Variants in SMOC1 observed in about 807,000 individuals in gnomAD.
SMOC1 encodes SPARC-related modular calcium-binding protein 1.
A neutral mutation model predicts 56.3 loss-of-function variants in SMOC1; 22 were observed. That is an observed-to-expected ratio of 0.39 (90% confidence interval 0.28 to 0.56). The LOEUF is 0.56. Among genes scored for constraint, SMOC1 ranks in the 20% least tolerant of loss-of-function variants. The pLI is 0.61. For missense variants in SMOC1, 509 were observed against 565.4 expected (o/e 0.90, Z 1.01); for synonymous variants, 193 against 215.0 (o/e 0.90, Z 0.89).
rs10150925 is a variant in SMOC1 at position 69,952,282 on chromosome 14, G to A, written c.244G>A (p.Val82Met). ...AKCRDPTLGV[V>M]HRGRCKDAGQ... ...GTGCCGAGACCCGACCCTGGGCGTGGTGCATCGAGGTAGATGCAAAGGTGA... is the reference window on the plus strand; with the variant it reads ...GTGCCGAGACCCGACCCTGGGCGTGATGCATCGAGGTAGATGCAAAGGTGA... Residue 82 changes from valine (V) to methionine (M), a missense_variant, in exon 2 of 12, where the codon GTG becomes ATG. Physicochemically the swap from Val to Met is conservative, Grantham distance 21 (BLOSUM62 1). Transcript: ENST00000361956. The A allele has an allele frequency of 9.6e-4, 1,549 of 1,614,176 alleles. 7 individuals are homozygous for A. In the African/African-American group the frequency reaches 0.016, roughly 17 times the overall value.
intron 11 of SMOC1, among the ~76,000 whole-genome samples, chr14:70,027,558 G>A (rs1488567336): frequency 6.6e-6 from 1 of 151,866 alleles, no homozygotes; most frequent in Non-Finnish European, 1.5e-5. Flanking sequence ...GAGCAGTGTG[G>A]GTATACCATG....
chr14:69,890,428 G>A (rs529477147), intron 1 of SMOC1, among the ~76,000 whole-genome samples: 8 of 152,238 alleles, frequency 5.3e-5, no homozygotes, highest in Non-Finnish European at 1.0e-4. Flanking sequence ...CATGCTGTTG[G>A]TGGTGGTGAT....
intron 7 of SMOC1, among the ~76,000 whole-genome samples, chr14:70,003,060 G>A (rs1180822595): frequency 6.6e-6 from 1 of 152,176 alleles, no homozygotes; most frequent in African/African-American, 2.4e-5. Context: ...CTGACCTAGA[G>A]AATCCTGAGG....
At chr14:69,900,720 C>T (rs1049186506) in intron 1 of SMOC1, among the ~76,000 whole-genome samples, 4 of 152,206 alleles carry the variant, frequency 2.6e-5, no homozygotes, top group Non-Finnish European at 5.9e-5. Flanking sequence ...CTATCCCCAA[C>T]ACCCAAAGGC....
chr14:70,027,951 A>G (rs1225685961), intron 11 of SMOC1, among the ~76,000 whole-genome samples: 1 of 152,094 alleles, frequency 6.6e-6, no homozygotes, highest in Non-Finnish European at 1.5e-5. Context: ...GGGCTCCGGG[A>G]GCAGAGCCTA....
rs755674516 is a variant in SMOC1 at position 70,023,288 on chromosome 14, G to A, written c.1132G>A (p.Asp378Asn). ...FSQLDSNSSN[D>N]INKREMKPFK... The stretch of plus-strand genomic sequence containing the variant: ...CCAGCTGGACAGCAATAGCAGCAAC[G>A]ACATTAACAAGCGGGAGATGAAGCC... Residue 378 changes from aspartate (D) to asparagine (N), a missense_variant, in exon 11 of 12, where the codon GAC becomes AAC. Coordinates refer to ENST00000361956, the MANE Select transcript of SMOC1 (RefSeq NM_001034852.3). 75 of 1,614,052 alleles carry A rather than the reference G, an allele frequency of 4.6e-5. No homozygotes were observed. Among genetic ancestry groups the A allele is most frequent in the Non-Finnish European group, 6.2e-5 (73 of 1,180,034 alleles).
chr14:70,022,424 T>C (rs1594860465), intron 10 of SMOC1, among the ~76,000 whole-genome samples: 1 of 152,208 alleles, frequency 6.6e-6, no homozygotes, highest in Non-Finnish European at 1.5e-5. Flanking sequence ...TAGTCCAGCA[T>C]TTCTCAGCAG....
chr14:70,007,974 C>T (rs1315023929), intron 7 of SMOC1, among the ~76,000 whole-genome samples: 1 of 151,976 alleles, frequency 6.6e-6, no homozygotes, highest in Non-Finnish European at 1.5e-5. Context: ...CTTAGAGGCA[C>T]CTGGACTTGC....
Position 69,879,767 on chromosome 14 carries a change from C to A in SMOC1, c.89C>A (p.Thr30Lys). The A allele has an allele frequency of 6.3e-7, 1 of 1,590,382 alleles. No individual in the cohort carries two copies. The highest frequency in any genetic ancestry group is 8.5e-7 in the Non-Finnish European group (1 of 1,175,208). Reference protein sequence around the residue: ...QLSPARGHRTTGPRFLISDRD... With the variant: ...QLSPARGHRTKGPRFLISDRD... ...TCCCCTGCTCGCGGCCACCGCACCA[C>A]AGGCCCCAGGGTAAGTGCGCCCCCA... Residue 30 changes from threonine to lysine, a missense_variant, in exon 1 of 12, where the codon ACA becomes AAA. Thr to Lys is a moderately conservative substitution (Grantham distance 78). Around this residue, in one of 3 missense-constraint regions of SMOC1, gnomAD observed 315 missense variants for 333.1 expected, o/e 0.95. Coordinates refer to ENST00000361956, the MANE Select transcript of SMOC1 (RefSeq NM_001034852.3).
intron 8 of SMOC1, 27 bp downstream of exon 8, chr14:70,010,973 A>G (rs1284792307): frequency 1.9e-6 from 3 of 1,610,936 alleles, no homozygotes; most frequent in East Asian, 2.2e-5. Context: ...GGGTCCTGGG[A>G]AAAACGCACC....
intron 1 of SMOC1, among the ~76,000 whole-genome samples, chr14:69,927,931 A>G (rs1362955107): frequency 1.3e-5 from 2 of 151,900 alleles, no homozygotes; most frequent in African/African-American, 4.8e-5. Flanking sequence ...GCTAAGAGGG[A>G]CCCCTTGAGG....
intron 1 of SMOC1, among the ~76,000 whole-genome samples, chr14:69,944,837 G>A (rs1882721956): frequency 6.6e-6 from 1 of 152,170 alleles, no homozygotes; most frequent in Non-Finnish European, 1.5e-5. Context: ...ATGATTTAGT[G>A]ATATATGGGT....
At chr14:69,890,686 G>A (rs1262147981) in intron 1 of SMOC1, among the ~76,000 whole-genome samples, 1 of 152,188 alleles carries the variant, frequency 6.6e-6, no homozygotes, top group Non-Finnish European at 1.5e-5. Context: ...TTAGTGCCAG[G>A]ACTGCTCATT....
chr14:69,998,562 C>T (rs1884857381), intron 7 of SMOC1, among the ~76,000 whole-genome samples: 1 of 152,028 alleles, frequency 6.6e-6, no homozygotes, highest in Non-Finnish European at 1.5e-5. Flanking sequence ...TAGGTTTCAT[C>T]TAATTCTTCA....
intron 3 of SMOC1, among the ~76,000 whole-genome samples, chr14:69,954,936 G>A (rs1160614870): frequency 6.6e-6 from 1 of 152,160 alleles, no homozygotes; most frequent in Non-Finnish European, 1.5e-5. Context: ...GAAATGTAGA[G>A]GGATGAGGAG....
intron 1 of SMOC1, among the ~76,000 whole-genome samples, chr14:69,882,379 A>G (rs1883666194): frequency 1.3e-5 from 2 of 152,116 alleles, no homozygotes; most frequent in Non-Finnish European, 2.9e-5. Flanking sequence ...CTGGCTCACT[A>G]ATTGAGCTCC....
In SMOC1 at chr14:69,952,228, G is replaced by C. The variant is rs370148766; in HGVS notation, c.190G>C (p.Glu64Gln). ...CTGTGCCTCTGATGGCAGGTCCTACGAGTCCATGTGTGAGTACCAGCGAGC... is the reference window on the plus strand; with the variant it reads ...CTGTGCCTCTGATGGCAGGTCCTACCAGTCCATGTGTGAGTACCAGCGAGC... ...PICASDGRSY[E>Q]SMCEYQRAKC... The change falls in exon 2 of 12, where the codon GAG becomes CAG. Residue 64 changes from glutamate to glutamine, a missense_variant. Physicochemically the swap from Glu to Gln is conservative, Grantham distance 29 (BLOSUM62 2). Coordinates refer to ENST00000361956, the MANE Select transcript of SMOC1 (RefSeq NM_001034852.3). The C allele has an allele frequency of 1.2e-6, 2 of 1,614,038 alleles. No homozygotes were observed. The highest frequency in any genetic ancestry group is 1.7e-6 in the Non-Finnish European group (2 of 1,180,034).
chr14:69,988,504 A>T (rs890446303), intron 5 of SMOC1, among the ~76,000 whole-genome samples: 1 of 152,148 alleles, frequency 6.6e-6, no homozygotes, highest in African/African-American at 2.4e-5. Context: ...CTGCTGCCTC[A>T]TGATTTATTT....
At chr14:69,901,949 A>G (rs1884252531) in intron 1 of SMOC1, among the ~76,000 whole-genome samples, 3 of 152,208 alleles carry the variant, frequency 2.0e-5, no homozygotes, top group Non-Finnish European at 4.4e-5. Flanking sequence ...TAGAATCTCT[A>G]CTTTCCTTTG....
Sources: allele counts gnomAD v4.1 joint callset (sites outside exome capture counted in the v4.1 genomes callset), GRCh38; gene constraint gnomAD v4.1.1; regional missense constraint gnomAD v4.1.1; transcripts MANE v1.5; gene names NCBI Gene and HGNC (gene_info 2026-07-23, HGNC 2026-07-21).